Variants in C11orf65 observed in about 807,000 individuals in gnomAD.
C11orf65 encodes the protein protein MFI.
In C11orf65, 38 loss-of-function variants were observed where a neutral mutation model predicts 35.3. The ratio of observed to expected loss-of-function variants is 1.08; its 90% CI spans 0.83 to 1.41. The LOEUF (loss-of-function observed/expected upper bound fraction) is 1.41. Among genes scored for constraint, C11orf65 ranks in the 40% most tolerant of loss-of-function variants. C11orf65 has a pLI of 0.00. For synonymous variants in C11orf65, 105 were observed against 114.4 expected, an observed-to-expected ratio of 0.92 and a Z score of 0.53; for missense variants, 370 against 367.1, an observed-to-expected ratio of 1.01 and a Z score of -0.06.
intron 2 of C11orf65, among the ~76,000 whole-genome samples, chr11:108,457,517 G>C (rs191992440): frequency 1.4e-3 from 217 of 151,976 alleles, no homozygotes; most frequent in Non-Finnish European, 2.3e-3. Context: ...GGTAGTGGGC[G>C]CCTGTAATCC....
At chr11:108,449,852 CT>C (rs1228328165) in intron 2 of C11orf65, among the ~76,000 whole-genome samples, 1 of 151,742 alleles carries the variant, frequency 6.6e-6, no homozygotes, top group Non-Finnish European at 1.5e-5. Flanking sequence ...AACAGGCGAC[CT>C]ACAAAATGGG....
intron 2 of C11orf65, among the ~76,000 whole-genome samples, chr11:108,352,426 A>G (rs182112709): frequency 6.6e-6 from 1 of 152,320 alleles, no homozygotes; most frequent in African/African-American, 2.4e-5. Context: ...AGAAGAAATT[A>G]TCAGTGAATA....
intron 2 of C11orf65, among the ~76,000 whole-genome samples, chr11:108,460,930 C>T (rs908121285): frequency 1.3e-5 from 2 of 151,928 alleles, no homozygotes; most frequent in East Asian, 1.9e-4. Flanking sequence ...TCTCCATGTT[C>T]GTCAGGCTGG....
intron 2 of C11orf65, among the ~76,000 whole-genome samples, chr11:108,348,561 A>T (rs1282829330): frequency 6.6e-6 from 1 of 151,978 alleles, no homozygotes; most frequent in African/African-American, 2.4e-5. Context: ...AGTTTAATAT[A>T]TAAGAAAGAA....
chr11:108,395,532 T>A (rs2092285934), intron 6 of C11orf65, among the ~76,000 whole-genome samples: 1 of 151,606 alleles, frequency 6.6e-6, no homozygotes, highest in Admixed American at 6.6e-5. Context: ...TTGGCCAGGC[T>A]GGTCTCAAAC....
chr11:108,334,476 G>T (rs927734981), intron 3 of C11orf65, among the ~76,000 whole-genome samples: 1 of 152,132 alleles, frequency 6.6e-6, no homozygotes, highest in Non-Finnish European at 1.5e-5. Context: ...AATTTCATGT[G>T]GGCAGGGATA....
rs928750401 is a variant in C11orf65, at chr11:108,448,403, A to G, written c.81+13076T>C. ...ATCCTCAATAAAATACTGGCCAACC[A>G]AATCCAGCAGCACATCAAAAAGCTT... On this transcript the variant is annotated intron_variant, in intron 2 of 8. Transcript: ENST00000393084. Among the ~76,000 whole-genome samples, 53 of 152,238 alleles carry G rather than the reference A, an allele frequency of 3.5e-4. 1 individual carries two copies. The East Asian group carries it at 9.1e-3, about 26-fold the overall frequency.
chr11:108,459,148 A>G (rs1380771909), intron 2 of C11orf65, among the ~76,000 whole-genome samples: 1 of 152,216 alleles, frequency 6.6e-6, no homozygotes, highest in East Asian at 1.9e-4. Context: ...TACCAAAATT[A>G]AGAGGCAACA....
intron 2 of C11orf65, among the ~76,000 whole-genome samples, chr11:108,458,974 G>A (rs1565728155): frequency 6.6e-6 from 1 of 152,146 alleles, no homozygotes; most frequent in Non-Finnish European, 1.5e-5. Context: ...TTTTCTAGGC[G>A]CTAGTACGAG....
intron 2 of C11orf65, among the ~76,000 whole-genome samples, chr11:108,450,120 AAGTC>A (rs2093326191): frequency 6.6e-6 from 1 of 151,994 alleles, no homozygotes; most frequent in South Asian, 2.1e-4. Context: ...GATCATTAAA[AAGTC>A]AGGAAACAAC....
chr11:108,360,053 G>C (rs2137614263), intron 2 of C11orf65, among the ~76,000 whole-genome samples: 2 of 151,514 alleles, frequency 1.3e-5, no homozygotes, highest in African/African-American at 4.8e-5. Context: ...CCGCTAGCAA[G>C]ACTAATAAAG....
At chr11:108,386,857 G>A (rs140554256) in intron 7 of C11orf65, among the ~76,000 whole-genome samples, 2,325 of 152,100 alleles carry the variant, frequency 0.015, 48 homozygotes, top group East Asian at 0.06. Flanking sequence ...CGAGGTGGGC[G>A]GATCACAAGG....
chr11:108,453,165 G>GCA (rs1027969573), intron 2 of C11orf65, among the ~76,000 whole-genome samples: 16 of 127,366 alleles, frequency 1.3e-4, no homozygotes, highest in Non-Finnish European at 2.6e-4. Flanking sequence ...AAAGAAAAAA[G>GCA]AAAAAAAAAA....
In C11orf65 at chr11:108,393,356, C is replaced by A. The variant is rs370692092; in HGVS notation, c.583G>T (p.Ala195Ser). 3.1e-6 allele frequency: 5 copies of A among 1,613,750 alleles called. No individual in the cohort carries two copies. Among genetic ancestry groups the A allele is most frequent in the South Asian group, 2.2e-5 (2 of 91,058 alleles). Residue 195 changes from alanine to serine, a missense_variant, in exon 7 of 9, where the codon GCT becomes TCT. Coordinates refer to ENST00000393084, the MANE Select transcript of C11orf65 (RefSeq NM_152587.5). ...AGAGTTTCATGATGTGTTGACTTAGCCTCCAGACTTCCTGAGTAGTACCTA... is the reference window on the plus strand; with the variant it reads ...AGAGTTTCATGATGTGTTGACTTAGACTCCAGACTTCCTGAGTAGTACCTA... ...RQMYYSGSLE[A>S]KSTHHETLGL...
intron 2 of C11orf65, among the ~76,000 whole-genome samples, chr11:108,432,140 C>A (rs574238781): frequency 5.7e-4 from 86 of 152,160 alleles, no homozygotes; most frequent in Admixed American, 2.1e-3. Flanking sequence ...TAGAAAAAAA[C>A]CAAAATACAG....
downstream of C11orf65, chr11:108,331,383 T>G: frequency 1.3e-6 from 2 of 1,572,980 alleles, no homozygotes; most frequent in Non-Finnish European, 1.7e-6. Context: ...CTTACTTGCT[T>G]AGATGTGAGA....
At chr11:108,437,434 A>C (rs1218299558) in intron 2 of C11orf65, among the ~76,000 whole-genome samples, 1 of 152,136 alleles carries the variant, frequency 6.6e-6, no homozygotes, top group Non-Finnish European at 1.5e-5. Context: ...GGCTGGGTGC[A>C]GTGGCTCACG....
rs2091900224 is a variant in C11orf65 at position 108,383,109 on chromosome 11, A to G, written c.854T>C (p.Met285Thr). 4 of 1,612,142 alleles carry G rather than the reference A, an allele frequency of 2.5e-6. No homozygotes were observed. Among genetic ancestry groups the G allele is most frequent in the Admixed American group, 1.7e-5 (1 of 59,630 alleles). ...ATAGTAAGTATCATCTGGTATTCCC[A>G]TTTGCATCTTTGATATGTCTCCTCC... ...NYGGDISKMQMGIPDDTYYEN... is the reference protein window; with the variant it reads ...NYGGDISKMQTGIPDDTYYEN... Residue 285 changes from methionine to threonine, a missense_variant, in exon 9 of 9, where the codon ATG (methionine) becomes ACG (threonine). Coordinates refer to ENST00000393084, the MANE Select transcript of C11orf65 (RefSeq NM_152587.5).
intron 2 of C11orf65, among the ~76,000 whole-genome samples, chr11:108,350,071 C>A (rs2088999028): frequency 6.6e-6 from 1 of 152,074 alleles, no homozygotes; most frequent in Admixed American, 6.6e-5. Context: ...AAATAAAATT[C>A]TAAAATTTAC....
Sources: allele counts gnomAD v4.1 joint callset (sites outside exome capture counted in the v4.1 genomes callset), GRCh38; gene constraint gnomAD v4.1.1; transcripts MANE v1.5; gene names NCBI Gene and HGNC (gene_info 2026-07-23, HGNC 2026-07-21).